Variants in BPIFC observed in about 807,000 individuals in gnomAD.
BPIFC encodes BPI fold containing family C, also known as BPI fold-containing family C protein.
Under a neutral mutation model 57.6 loss-of-function variants are expected in BPIFC, and 60 were observed. The ratio of observed to expected loss-of-function variants is 1.04; its 90% CI spans 0.85 to 1.29. The LOEUF is 1.29. Ranked by LOEUF, BPIFC falls within the 50% of genes most tolerant of loss-of-function variation. The pLI, the probability that BPIFC is intolerant of heterozygous loss-of-function variation, is 0.00. For synonymous variants in BPIFC, 243 were observed against 224.5 expected, an observed-to-expected ratio of 1.08 and a Z score of -0.74; for missense variants, 581 against 600.5, an observed-to-expected ratio of 0.97 and a Z score of 0.34.
chr22:32,433,090 C>T (rs1355372523), intron 11 of BPIFC, among the ~76,000 whole-genome samples: 2 of 152,152 alleles, frequency 1.3e-5, no homozygotes, highest in Non-Finnish European at 2.9e-5. Context: ...GTAGTCCCAG[C>T]TACTTGGGAG....
intron 13 of BPIFC, among the ~76,000 whole-genome samples, chr22:32,419,760 C>T (rs1933783394): frequency 7.5e-6 from 1 of 133,866 alleles, no homozygotes; most frequent in Non-Finnish European, 1.5e-5. Context: ...GAGCCAAGAT[C>T]ATGCCACTGC....
rs1935218241 is a variant in BPIFC, at chr22:32,464,373, C to T, written c.-89+1G>A. 1 of 985,036 alleles carries T rather than the reference C, an allele frequency of 1.0e-6. No individual in the cohort carries two copies. The highest frequency in any genetic ancestry group is 6.2e-5 in the Admixed American group (1 of 16,244). The allele number at this position is 985,036 out of a possible 1,614,324, so 61.0% of individuals were successfully genotyped here. On this transcript the variant is annotated splice_donor_variant, in intron 1 of 16. Transcript: ENST00000300399. LOFTEE classifies it low-confidence loss of function (5UTR_SPLICE). ...ACCTGAAGTTTGTTCATGAGTCTTACCTCAAGCAGAGGAAGTGTCCAAAGC... is the reference window on the plus strand; with the variant it reads ...ACCTGAAGTTTGTTCATGAGTCTTATCTCAAGCAGAGGAAGTGTCCAAAGC...
Position 32,445,947 on chromosome 22 carries a change from C to T in BPIFC, c.424G>A (p.Gly142Ser), listed in dbSNP as rs779345667. Residue 142 changes from glycine to serine, a missense_variant, in exon 6 of 17, where the codon GGT (glycine) becomes AGT (serine). Physicochemically the swap from Gly to Ser is moderately conservative, Grantham distance 56. Transcript: ENST00000300399. ...DLFLSGVYFTGIIILTRNDFG... is the reference protein window; with the variant it reads ...DLFLSGVYFTSIIILTRNDFG... Reference sequence around the variant, plus strand: ...TCATTTCGGGTTAGGATAATGATACCGGTAAAGTAGACTCCGGAGAGAAAC... The same window carrying T: ...TCATTTCGGGTTAGGATAATGATACTGGTAAAGTAGACTCCGGAGAGAAAC... 15 of 1,613,924 alleles carry T rather than the reference C, an allele frequency of 9.3e-6. No individual in the cohort carries two copies. The highest frequency in any genetic ancestry group is 1.6e-4 in the Middle Eastern group (1 of 6,084).
At chr22:32,419,262 A>G in intron 14 of BPIFC, 100 bp downstream of exon 14, 1 of 1,269,900 alleles carries the variant, frequency 7.9e-7, no homozygotes, top group Non-Finnish European at 1.1e-6. Context: ...GGAGGAATCA[A>G]GGACTCCAAG....
intron 13 of BPIFC, among the ~76,000 whole-genome samples, chr22:32,430,961 A>G (rs1746881607): frequency 6.6e-6 from 1 of 152,174 alleles, no homozygotes; most frequent in African/African-American, 2.4e-5. Context: ...AATTATATTT[A>G]TAATTATTTT....
Position 32,453,563 on chromosome 22 carries a change from C to T in BPIFC, c.125-60G>A, listed in dbSNP as rs192451706. 122 of 1,507,230 alleles carry T rather than the reference C, an allele frequency of 8.1e-5. No homozygotes were observed. The African/African-American group carries it at 1.6e-3, about 20-fold the overall frequency. The allele number at this position is 1,507,230 out of a possible 1,614,324, so 93.4% of individuals were successfully genotyped here. On this transcript the variant is annotated intron_variant, in intron 3 of 16. Transcript: ENST00000300399. ...GACAAAGATAATAATAGCATAATAA[C>T]ATTAACCACACAAATACAATTTATT...
chr22:32,415,664 G>T (rs999367897), intron 16 of BPIFC, among the ~76,000 whole-genome samples: 1 of 152,186 alleles, frequency 6.6e-6, no homozygotes, highest in Non-Finnish European at 1.5e-5. Context: ...AGCGTGCTAA[G>T]GGGCATCTTC....
intron 13 of BPIFC, among the ~76,000 whole-genome samples, chr22:32,426,891 G>GTA (rs1569448752): frequency 6.2e-5 from 6 of 96,942 alleles, no homozygotes; most frequent in Non-Finnish European, 1.2e-4. Flanking sequence ...GACTCTGTCT[G>GTA]AAAAAAAAAA....
chr22:32,427,036 C>T (rs1190001770), intron 13 of BPIFC, among the ~76,000 whole-genome samples: 1 of 152,132 alleles, frequency 6.6e-6, no homozygotes, highest in East Asian at 1.9e-4. Flanking sequence ...AGAAGTCTGC[C>T]CAGCGGAGAA....
chr22:32,445,473 C>G (rs564341673), intron 7 of BPIFC, among the ~76,000 whole-genome samples, 162 bp downstream of exon 7: 24 of 151,956 alleles, frequency 1.6e-4, no homozygotes, highest in African/African-American at 5.1e-4. Flanking sequence ...GGAGGCGGAG[C>G]TTGCAGTGAG....
chr22:32,415,928 A>G lies in BPIFC; in HGVS notation c.1388T>C (p.Ile463Thr), dbSNP rs1449224350. The change falls in exon 16 of 17, where the codon ATT becomes ACT. Residue 463 changes from isoleucine to threonine, a missense_variant. Coordinates refer to ENST00000300399, the MANE Select transcript of BPIFC (RefSeq NM_174932.3). The part of the protein sequence containing the change: ...PHKFLFVNSD[I>T]EVLEGFLLIS... The stretch of plus-strand genomic sequence containing the variant: ...TTGCATTCTTACCTCAAGAACTTCA[A>G]TATCTGAATTGACGAATAAGAATTT... 2.5e-6 allele frequency: 4 copies of G among 1,587,946 alleles called. No individual in the cohort carries two copies. Among genetic ancestry groups the G allele is most frequent in the South Asian group, 2.3e-5 (2 of 87,022 alleles).
intron 13 of BPIFC, among the ~76,000 whole-genome samples, chr22:32,423,755 A>C (rs1284541113): frequency 6.6e-6 from 1 of 151,906 alleles, no homozygotes; most frequent in Middle Eastern, 3.4e-3. Flanking sequence ...GCATGGGATT[A>C]AGAAAAGAGG....
At chr22:32,418,176 C>T (rs927352136) in intron 14 of BPIFC, among the ~76,000 whole-genome samples, 1 of 152,148 alleles carries the variant, frequency 6.6e-6, no homozygotes, top group Non-Finnish European at 1.5e-5. Flanking sequence ...AAGTGCATTT[C>T]ATATATAATC....
chr22:32,448,434 C>G (rs1934794537), intron 4 of BPIFC, among the ~76,000 whole-genome samples: 1 of 152,126 alleles, frequency 6.6e-6, no homozygotes, highest in Non-Finnish European at 1.5e-5. Flanking sequence ...GGTGCATATG[C>G]CAGTAGTGTC....
intron 9 of BPIFC, among the ~76,000 whole-genome samples, chr22:32,436,438 GAGAAGA>G (rs1347606415): frequency 2.0e-5 from 3 of 148,808 alleles, no homozygotes; most frequent in African/African-American, 2.5e-5. Flanking sequence ...GAAGGAGAAG[GAGAAGA>G]AGAAGCATAA....
intron 13 of BPIFC, among the ~76,000 whole-genome samples, chr22:32,424,504 T>C (rs909686892): frequency 1.3e-5 from 2 of 151,360 alleles, no homozygotes; most frequent in African/African-American, 4.9e-5. Flanking sequence ...CGTGACTCCA[T>C]GCTTATGGGT....
At chr22:32,447,438 G>A (rs1934762074) in intron 4 of BPIFC, 98 bp from the exon 5 acceptor site, 21 of 1,430,884 alleles carry the variant, frequency 1.5e-5, no homozygotes, top group Non-Finnish European at 2.0e-5. Flanking sequence ...TACCATTGAG[G>A]CCATTGTGAA....
chr22:32,449,737 TC>T (rs1333039668), intron 4 of BPIFC, among the ~76,000 whole-genome samples: 1 of 143,724 alleles, frequency 7.0e-6, no homozygotes, highest in Non-Finnish European at 1.6e-5. Context: ...CATGTACTTC[TC>T]TTTTTTTCTT....
At position 32,451,619 on chromosome 22, in the gene BPIFC, C is replaced by T. The variant is rs536727142; in HGVS notation, c.245+1764G>A. ...GTAAACGACGAGTTAATGGGTGCAGCACACCAACATGGCACATGTATACAT... is the reference window on the plus strand; with the variant it reads ...GTAAACGACGAGTTAATGGGTGCAGTACACCAACATGGCACATGTATACAT... On this transcript the variant is annotated intron_variant, in intron 4 of 16. Coordinates refer to ENST00000300399, the MANE Select transcript of BPIFC (RefSeq NM_174932.3). Among the ~76,000 whole-genome samples the T allele has an allele frequency of 3.6e-3, 553 of 152,146 alleles. 4 individuals are homozygous for T. The highest frequency in any genetic ancestry group is 0.012 in the African/African-American group (513 of 41,500).
Sources: gnomAD v4.1 joint callset for allele counts (sites outside exome capture counted in the v4.1 genomes callset) on GRCh38, gnomAD v4.1.1 for gene constraint, MANE v1.5 for transcripts, NCBI Gene and HGNC (gene_info 2026-07-23, HGNC 2026-07-21) for gene names.